The following LAMB2 variants were observed in gnomAD, a reference collection of about 807,000 sequenced individuals.
The protein encoded by LAMB2 is laminin subunit beta-2.
Under a neutral mutation model 202.7 loss-of-function variants are expected in LAMB2, and 119 were observed. The ratio of observed to expected loss-of-function variants is 0.59; its 90% CI spans 0.51 to 0.68. The LOEUF (loss-of-function observed/expected upper bound fraction) is 0.68. Among genes scored for constraint, LAMB2 ranks in the 30% least tolerant of loss-of-function variants. LAMB2 has a pLI of 0.00. For missense variants in LAMB2, 2,124 were observed against 2,410.6 expected, an observed-to-expected ratio of 0.88 and a Z score of 2.49; for synonymous variants, 818 against 902.2, an observed-to-expected ratio of 0.91 and a Z score of 1.67.
At position 49,132,782 on chromosome 3, in the gene LAMB2, G is replaced by C. The variant is rs370554848; in HGVS notation, c.76+10C>G. ...TTCCACAACCCCCAGCCCCCACCAG[G>C]CCCTCTCACCGCTTAGCAGTAGGCC... On this transcript the variant is annotated intron_variant, in intron 1 of 31. Transcript: ENST00000305544. The surrounding 1 kb of genome is among the most constrained non-coding windows in gnomAD (Gnocchi z 4.6). 1 of 1,613,898 alleles carries C rather than the reference G, an allele frequency of 6.2e-7. No individual in the cohort carries two copies. The highest frequency in any genetic ancestry group is 8.5e-7 in the Non-Finnish European group (1 of 1,179,922).
chr3:49,131,487 G>A lies in LAMB2; in HGVS notation c.649-45C>T, dbSNP rs371115622. The A allele has an allele frequency of 5.6e-6, 9 of 1,613,544 alleles. No individual in the cohort carries two copies. In the African/African-American group the frequency reaches 1.2e-4, roughly 22 times the overall value. ...ATAGTCACACTGGACCTTGCCTCAG[G>A]CCCATCATCCCCAGCTTCCAGCCCC... On this transcript the variant is annotated intron_variant, in intron 5 of 31. Coordinates refer to ENST00000305544, the MANE Select transcript of LAMB2 (RefSeq NM_002292.4). The surrounding 1 kb of genome is among the most constrained non-coding windows in gnomAD (Gnocchi z 5.0).
Position 49,123,543 on chromosome 3 carries a change from C to A in LAMB2, c.3886G>T (p.Ala1296Ser). The change falls in exon 25 of 32, where the codon GCA (alanine) becomes TCA (serine). Residue 1296 changes from alanine to serine, a missense_variant. Physicochemically the swap from Ala to Ser is moderately conservative, Grantham distance 99 (BLOSUM62 1). Coordinates refer to ENST00000305544, the MANE Select transcript of LAMB2 (RefSeq NM_002292.4). ...VQDENFNANH[A>S]LSGLERDRLA... Reference sequence around the variant, plus strand: ...CTATCTCGCTCCAGACCACTTAGTGCATGGTTGGCATTGAAGTTCTCATCT... The same window carrying A: ...CTATCTCGCTCCAGACCACTTAGTGAATGGTTGGCATTGAAGTTCTCATCT... 2 of 1,614,210 alleles carry A rather than the reference C, an allele frequency of 1.2e-6. No homozygotes were observed. Among genetic ancestry groups the A allele is most frequent in the Non-Finnish European group, 1.7e-6 (2 of 1,180,044 alleles).
chr3:49,125,138 G>GCC lies in LAMB2; in HGVS notation c.2750_2751dup (p.Leu918GlyfsTer234). The GCC allele has an allele frequency of 6.2e-7, 1 of 1,613,672 alleles. No individual in the cohort carries two copies. Among genetic ancestry groups the GCC allele is most frequent in the South Asian group, 1.1e-5 (1 of 91,088 alleles). ...GGCCGGCACTGGCCCCCATATGGCAGCCGTGGGTCCCCGTGGAAACCAGCA... is the reference window on the plus strand; with the variant it reads ...GGCCGGCACTGGCCCCCATATGGCAGCCCCGTGGGTCCCCGTGGAAACCAGCA... On this transcript the variant is annotated frameshift_variant, in exon 20 of 32. Coordinates refer to ENST00000305544, the MANE Select transcript of LAMB2 (RefSeq NM_002292.4). LOFTEE classifies it high-confidence loss of function.
chr3:49,126,220 G>A, intron 16 of LAMB2, 61 bp from the exon 17 acceptor site: 3 of 1,605,166 alleles, frequency 1.9e-6, no homozygotes, highest in Non-Finnish European at 2.6e-6. Flanking sequence ...CATTGCCAGA[G>A]CACTTGCCTT....
Position 49,128,461 on chromosome 3 carries a change from G to T in LAMB2, c.2015C>A (p.Ala672Asp), listed in dbSNP as rs1489183353. 4 of 1,613,650 alleles carry T rather than the reference G, an allele frequency of 2.5e-6. No homozygotes were observed. Among genetic ancestry groups the T allele is most frequent in the East Asian group, 4.5e-5 (2 of 44,890 alleles). ...DRIQGTLQPHARYLIFPNPVC... is the reference protein window; with the variant it reads ...DRIQGTLQPHDRYLIFPNPVC... ...GTGCTACCACCAGTGCCCTCACCTG[G>T]CATGTGGTTGCAGAGTCCCTTGGAT... The change falls in exon 15 of 32, where the codon GCC becomes GAC. Residue 672 changes from alanine (A) to aspartate (D), a missense_variant. Ala to Asp is a moderately radical substitution (Grantham distance 126, BLOSUM62 -2). Coordinates refer to ENST00000305544, the MANE Select transcript of LAMB2 (RefSeq NM_002292.4).
intron 24 of LAMB2, 38 bp from the exon 25 acceptor site, chr3:49,123,669 A>T (rs777077478): frequency 1.9e-6 from 3 of 1,613,830 alleles, no homozygotes; most frequent in Admixed American, 1.7e-5. Context: ...GAGAGGCTTC[A>T]GCCCTGGTCC....
Position 49,130,143 on chromosome 3 carries a change from C to A in LAMB2, c.1225+88G>T. ...AAGTTCTATCCCAAGCCCCTAACCC[C>A]AATTTCCTGCAATTTAGACAGCAGT... is the stretch of plus-strand genomic sequence containing the variant. On this transcript the variant is annotated intron_variant, in intron 9 of 31. Transcript: ENST00000305544. This position sits in a 1 kb window ranked among gnomAD's most constrained non-coding sequence, Gnocchi z 5.0. The A allele has an allele frequency of 6.3e-7, 1 of 1,589,494 alleles. No individual in the cohort carries two copies.
chr3:49,132,730 G>C lies in LAMB2; in HGVS notation c.76+62C>G. On this transcript the variant is annotated intron_variant, in intron 1 of 31. Coordinates refer to ENST00000305544, the MANE Select transcript of LAMB2 (RefSeq NM_002292.4). This position sits in a 1 kb window ranked among gnomAD's most constrained non-coding sequence, Gnocchi z 4.6. The stretch of plus-strand genomic sequence containing the variant: ...AGTGGCTCCACCTCATGTGCCCCAA[G>C]GGCAACTACCAGGACCTACCATCAC... 1.2e-6 allele frequency: 2 copies of C among 1,613,628 alleles called. No individual in the cohort carries two copies. Among genetic ancestry groups the C allele is most frequent in the East Asian group, 4.5e-5 (2 of 44,876 alleles).
Position 49,132,013 on chromosome 3 carries a change from G to T in LAMB2, c.459+103C>A. On this transcript the variant is annotated intron_variant, in intron 4 of 31. Coordinates refer to ENST00000305544, the MANE Select transcript of LAMB2 (RefSeq NM_002292.4). This position sits in a 1 kb window ranked among gnomAD's most constrained non-coding sequence, Gnocchi z 4.6. ...GTGTGAAGGGATGAAGGAGCCTCCT[G>T]CATCCATGCTCAAGGAGGCTGTGTT... 8.9e-7 allele frequency: 1 copy of T among 1,128,420 alleles called. No individual in the cohort carries two copies. The highest frequency in any genetic ancestry group is 1.3e-6 in the Non-Finnish European group (1 of 740,914). 69.9% of individuals were successfully genotyped at this position (1,128,420 alleles called of 1,614,324 possible).
chr3:49,132,042 G>T lies in LAMB2; in HGVS notation c.459+74C>A. The T allele has an allele frequency of 1.4e-6, 2 of 1,399,198 alleles. No homozygotes were observed. The highest frequency in any genetic ancestry group is 1.2e-5 in the South Asian group (1 of 86,084). 86.7% of individuals were successfully genotyped at this position (1,399,198 alleles called of 1,614,324 possible). A position where few individuals can be genotyped will look rare whatever the true frequency, so the allele number is the denominator to read the frequency against. On this transcript the variant is annotated intron_variant, in intron 4 of 31. Coordinates refer to ENST00000305544, the MANE Select transcript of LAMB2 (RefSeq NM_002292.4). This position sits in a 1 kb window ranked among gnomAD's most constrained non-coding sequence, Gnocchi z 4.6. ...CCATGCTCAAGGAGGCTGTGTTAAG[G>T]AGCTGAGGCTCTGTCCAGGGGCAAT...
chr3:49,128,429 A>G, intron 15 of LAMB2, 29 bp downstream of exon 15: 1 of 1,610,524 alleles, frequency 6.2e-7, no homozygotes, highest in Non-Finnish European at 8.5e-7. Context: ...ACCCCCTGCC[A>G]TTGTGAGTGC....
chr3:49,130,951 A>G lies in LAMB2; in HGVS notation c.914T>C (p.Met305Thr), dbSNP rs199794467. Residue 305 changes from methionine (M) to threonine (T), a missense_variant and splice_region_variant, in exon 7 of 32, where the codon ATG becomes ACG. Transcript: ENST00000305544. This position sits in a 1 kb window ranked among gnomAD's most constrained non-coding sequence, Gnocchi z 5.0. ...TCCCAACCGTCTGAAGCCCCTTACC[A>G]TGCCCTCAGCATGGGCTGGTGCCCC... ...APGAPAHAEG[M>T]VHGACICKHN... is the part of the protein sequence containing the mutation. 1.3e-4 allele frequency: 214 copies of G among 1,614,092 alleles called. No homozygotes were observed. The highest frequency in any genetic ancestry group is 2.1e-4 in the African/African-American group (16 of 75,050).
Position 49,125,333 on chromosome 3 carries a change from A to C in LAMB2, c.2640T>G (p.Asn880Lys). The change falls in exon 19 of 32, where the codon AAT becomes AAG. Residue 880 changes from asparagine to lysine, a missense_variant. This residue lies in a region of LAMB2 where 1,702 missense variants were observed against 1,896.3 expected (regional missense o/e 0.90). Coordinates refer to ENST00000305544, the MANE Select transcript of LAMB2 (RefSeq NM_002292.4). ...GGGTGTTGCACTCATCTGCATGCCC[A>C]TTGCAGACACATGGCCGGCAGCTAG... Reference protein sequence around the residue: ...GFPSCRPCVCNGHADECNTHT... With the variant: ...GFPSCRPCVCKGHADECNTHT... The C allele has an allele frequency of 1.9e-6, 3 of 1,614,078 alleles. No individual in the cohort carries two copies. Among genetic ancestry groups the C allele is most frequent in the Non-Finnish European group, 2.5e-6 (3 of 1,180,048 alleles).
chr3:49,129,992 G>C lies in LAMB2; in HGVS notation c.1252C>G (p.Gln418Glu). The C allele has an allele frequency of 6.2e-7, 1 of 1,614,018 alleles. No homozygotes were observed. Among genetic ancestry groups the C allele is most frequent in the African/African-American group, 1.3e-5 (1 of 75,042 alleles). Residue 418 changes from glutamine to glutamate, a missense_variant, in exon 10 of 32, where the codon CAA becomes GAA. Gln to Glu is a conservative substitution (Grantham distance 29). Coordinates refer to ENST00000305544, the MANE Select transcript of LAMB2 (RefSeq NM_002292.4). This position sits in a 1 kb window ranked among gnomAD's most constrained non-coding sequence, Gnocchi z 6.1. ...TGGGAATCACAGCGACCACCGTCTT[G>C]AGAACCCATGGGGTCACAATCACAG... ...RSCDCDPMGS[Q>E]DGGRCDSHDD... is the part of the protein sequence containing the mutation.
chr3:49,123,517 C>A lies in LAMB2; in HGVS notation c.3912G>T (p.Arg1304Ser). 1 of 1,614,184 alleles carries A rather than the reference C, an allele frequency of 6.2e-7. No homozygotes were observed. The highest frequency in any genetic ancestry group is 8.5e-7 in the Non-Finnish European group (1 of 1,180,032). Residue 1304 changes from arginine to serine, a missense_variant, in exon 25 of 32, where the codon AGG becomes AGT. By Grantham distance (110) the Arg-to-Ser change is moderately radical. Transcript: ENST00000305544. ...GCCGCAGTGTGAGATTAAGTGCAAGCCTATCTCGCTCCAGACCACTTAGTG... is the reference window on the plus strand; with the variant it reads ...GCCGCAGTGTGAGATTAAGTGCAAGACTATCTCGCTCCAGACCACTTAGTG... The part of the protein sequence containing the change: ...NHALSGLERD[R>S]LALNLTLRQL...
At position 49,122,965 on chromosome 3, in the gene LAMB2, C is replaced by T; in HGVS notation, c.4312G>A (p.Gly1438Arg). The change falls in exon 27 of 32, where the codon GGG (glycine) becomes AGG (arginine). Residue 1438 changes from glycine to arginine, a missense_variant. Transcript: ENST00000305544. ...CRDEDGQPRC[G>R]GLSCNGAAAT... The stretch of plus-strand genomic sequence containing the variant: ...GCTGCCCCATTGCAGCTGAGGCCCC[C>T]ACAGCGCGGCTGCCCATCCTCATCT... 6.2e-7 allele frequency: 1 copy of T among 1,608,880 alleles called. No homozygotes were observed. Among genetic ancestry groups the T allele is most frequent in the South Asian group, 1.1e-5 (1 of 91,072 alleles).
rs1341310247 is a variant in LAMB2 at position 49,130,290 on chromosome 3, CAG to C, written c.1164_1165del (p.Cys389SerfsTer7). ...TGGGTCACGGTAGAAGAAGGGCCGA[CAG>C]AGCTCACAGTGGCGCCCAGCTGTGT... is the stretch of plus-strand genomic sequence containing the variant. On this transcript the variant is annotated frameshift_variant, in exon 9 of 32. Transcript: ENST00000305544. LOFTEE classifies it high-confidence loss of function. The surrounding 1 kb of genome is among the most constrained non-coding windows in gnomAD (Gnocchi z 5.0). 6.2e-7 allele frequency: 1 copy of C among 1,614,232 alleles called. No homozygotes were observed.
intron 15 of LAMB2, among the ~76,000 whole-genome samples, chr3:49,127,926 A>G (rs368285684): frequency 2.7e-5 from 4 of 148,476 alleles, no homozygotes; most frequent in Non-Finnish European, 4.5e-5. Context: ...ATGCTGACAC[A>G]TGAGAATTGC....
At position 49,123,813 on chromosome 3, in the gene LAMB2, G is replaced by A. The variant is rs1213543126; in HGVS notation, c.3712C>T (p.Leu1238=). 1.2e-6 allele frequency: 2 copies of A among 1,613,174 alleles called. No homozygotes were observed. The highest frequency in any genetic ancestry group is 1.3e-5 in the African/African-American group (1 of 74,942). Residue 1238 remains leucine, a synonymous_variant, in exon 24 of 32, where the codon CTG becomes TTG. Transcript: ENST00000305544. ...ESSFWHMQEK[L]GIVQGIVGAR... ...CCTACGATGCCCTGCACAATGCCCA[G>A]CTTCTCCTGCATGTGCCAGAAGCTG...
Sources: allele counts gnomAD v4.1 joint callset (sites outside exome capture counted in the v4.1 genomes callset), GRCh38; gene constraint gnomAD v4.1.1; regional missense constraint gnomAD v4.1.1; non-coding constraint Gnocchi (gnomAD v3.1); transcripts MANE v1.5; gene names NCBI Gene and HGNC (gene_info 2026-07-23, HGNC 2026-07-21).